The following GALNTL6 variants were observed in gnomAD, a reference collection of about 807,000 sequenced individuals.
GALNTL6 encodes the protein polypeptide N-acetylgalactosaminyltransferase like 6.
In GALNTL6, 46 loss-of-function variants were observed where a neutral mutation model predicts 73.7. The observed-to-expected ratio is 0.62, with a 90% CI of 0.49 to 0.80. GALNTL6 has a LOEUF of 0.80. Ranked by LOEUF, GALNTL6 falls within the 30% of genes least tolerant of loss-of-function variation. The pLI is 0.00. For synonymous variants in GALNTL6, 259 were observed against 263.7 expected (o/e 0.98, Z 0.17); for missense variants, 604 against 755.0 (o/e 0.80, Z 2.34).
chr4:172,540,077 T>C (rs1579168766), intron 5 of GALNTL6, among the ~76,000 whole-genome samples: 2 of 132,048 alleles, frequency 1.5e-5, no homozygotes, highest in Non-Finnish European at 1.6e-5. Context: ...TTTGAGAGAG[T>C]GTCTTGCTCT....
intron 3 of GALNTL6, among the ~76,000 whole-genome samples, chr4:172,292,274 T>TA (rs527407211): frequency 2.0e-4 from 29 of 147,218 alleles, no homozygotes; most frequent in Admixed American, 4.7e-4. Context: ...AATTATAGCA[T>TA]AAAAAAAAAA....
chr4:172,458,103 C>T (rs373879637), intron 5 of GALNTL6, among the ~76,000 whole-genome samples: 47 of 152,114 alleles, frequency 3.1e-4, no homozygotes, highest in Admixed American at 1.0e-3. Context: ...AACTGAACAA[C>T]GTGCTCCTGA....
intron 2 of GALNTL6, among the ~76,000 whole-genome samples, chr4:171,905,180 A>G (rs562619279): frequency 6.6e-6 from 1 of 152,174 alleles, no homozygotes; most frequent in Admixed American, 6.5e-5. Context: ...AAATGCTCCA[A>G]TTAAAAGACA....
chr4:172,787,789 A>G (rs765706759), intron 5 of GALNTL6, among the ~76,000 whole-genome samples: 1 of 152,168 alleles, frequency 6.6e-6, no homozygotes, highest in Non-Finnish European at 1.5e-5. Flanking sequence ...ACGAAGTTTC[A>G]GAAGTGGCAT....
At chr4:172,847,757 T>G (rs548290154) in intron 7 of GALNTL6, among the ~76,000 whole-genome samples, 22 of 152,264 alleles carry the variant, frequency 1.4e-4, no homozygotes, top group African/African-American at 4.8e-4. Context: ...ATAAGTATCT[T>G]TTTATATTGC....
chr4:172,138,233 T>C (rs1342344131), intron 2 of GALNTL6, among the ~76,000 whole-genome samples: 2 of 151,520 alleles, frequency 1.3e-5, no homozygotes, highest in Non-Finnish European at 2.9e-5. Context: ...AATGATAGAC[T>C]ATACAGATTA....
Position 172,484,711 on chromosome 4 carries a change from T to C in GALNTL6, c.553+136022T>C, listed in dbSNP as rs115433529. ...TAGTAGAGACTTCTCTAAAGGTTTA[T>C]TAGTGATTAAATATGTTAGTTCCTT... On this transcript the variant is annotated intron_variant, in intron 5 of 12. Coordinates refer to ENST00000506823, the MANE Select transcript of GALNTL6 (RefSeq NM_001034845.3). Among the ~76,000 whole-genome samples, 615 of 152,320 alleles carry C rather than the reference T, an allele frequency of 4.0e-3. 2 individuals are homozygous for C. Among genetic ancestry groups the C allele is most frequent in the Admixed American group, 6.5e-3 (100 of 15,304 alleles).
intron 5 of GALNTL6, among the ~76,000 whole-genome samples, chr4:172,727,813 AAT>A (rs1441571799): frequency 1.3e-5 from 2 of 151,832 alleles, no homozygotes; most frequent in Non-Finnish European, 2.9e-5. Flanking sequence ...AATGTTTTTA[AAT>A]ATTTTTCTTT....
At chr4:172,375,704 G>A (rs1275564952) in intron 5 of GALNTL6, among the ~76,000 whole-genome samples, 1 of 152,126 alleles carries the variant, frequency 6.6e-6, no homozygotes, top group African/African-American at 2.4e-5. Flanking sequence ...ACCAAGGAAG[G>A]TCAGATTTAG....
At chr4:172,731,421 T>A (rs1736143276) in intron 5 of GALNTL6, among the ~76,000 whole-genome samples, 1 of 152,120 alleles carries the variant, frequency 6.6e-6, no homozygotes. Context: ...TTGCTGATTT[T>A]ATTTATTTGC....
chr4:173,028,157 T>C (rs1257864580), intron 12 of GALNTL6, among the ~76,000 whole-genome samples: 1 of 152,184 alleles, frequency 6.6e-6, no homozygotes, highest in Non-Finnish European at 1.5e-5. Flanking sequence ...ATTGATAACC[T>C]GATTCCAAAA....
At chr4:172,129,160 A>G (rs147999587) in intron 2 of GALNTL6, among the ~76,000 whole-genome samples, 247 of 152,318 alleles carry the variant, frequency 1.6e-3, no homozygotes, top group African/African-American at 5.4e-3. Flanking sequence ...TTGGTTTGAA[A>G]TGCCCTAAGA....
At chr4:172,701,376 A>C (rs1734018865) in intron 5 of GALNTL6, among the ~76,000 whole-genome samples, 1 of 152,128 alleles carries the variant, frequency 6.6e-6, no homozygotes, top group African/African-American at 2.4e-5. Context: ...GAAGAAAGGA[A>C]CTTAATTTTT....
intron 2 of GALNTL6, among the ~76,000 whole-genome samples, chr4:172,093,122 T>C (rs1308286518): frequency 1.3e-5 from 2 of 152,062 alleles, no homozygotes; most frequent in East Asian, 1.9e-4. Context: ...TCCGCCCACC[T>C]CAGCCTCCCA....
chr4:172,993,453 G>C (rs1049249852), intron 10 of GALNTL6, among the ~76,000 whole-genome samples: 2 of 152,184 alleles, frequency 1.3e-5, no homozygotes, highest in African/African-American at 4.8e-5. Flanking sequence ...AACCATTCCA[G>C]GTGCCAGTTA....
chr4:172,816,483 G>T (rs1741610632), intron 7 of GALNTL6, among the ~76,000 whole-genome samples: 1 of 151,968 alleles, frequency 6.6e-6, no homozygotes, highest in South Asian at 2.1e-4. Flanking sequence ...TATACTAATG[G>T]GTAGGTATAA....
intron 5 of GALNTL6, among the ~76,000 whole-genome samples, chr4:172,796,288 T>C (rs1181615767): frequency 6.6e-6 from 1 of 152,220 alleles, no homozygotes; most frequent in Non-Finnish European, 1.5e-5. Context: ...CACTGGCGTT[T>C]ATTGAGTACT....
chr4:172,827,089 C>A (rs995709931), intron 7 of GALNTL6, among the ~76,000 whole-genome samples: 1 of 152,186 alleles, frequency 6.6e-6, no homozygotes. Context: ...AGAGTGCCCA[C>A]AGATGTCATG....
At chr4:172,085,923 G>A (rs1305561066) in intron 2 of GALNTL6, among the ~76,000 whole-genome samples, 3 of 151,958 alleles carry the variant, frequency 2.0e-5, no homozygotes, top group African/African-American at 4.8e-5. Context: ...ATCTAGATTA[G>A]TGCTTTGCAC....
Sources: allele counts gnomAD v4.1 joint callset (sites outside exome capture counted in the v4.1 genomes callset), GRCh38; gene constraint gnomAD v4.1.1; transcripts MANE v1.5; gene names NCBI Gene and HGNC (gene_info 2026-07-23, HGNC 2026-07-21).